The following CUL3 variants were observed in gnomAD, a reference collection of about 807,000 sequenced individuals.
CUL3 encodes the protein cullin 3, also known as cullin-3.
CUL3 carries 19 observed loss-of-function variants against 89.1 expected under a neutral mutation model. The observed-to-expected ratio is 0.21, with a 90% CI of 0.15 to 0.31. The LOEUF (loss-of-function observed/expected upper bound fraction) is 0.31. CUL3 is among the 10% of genes least tolerant of loss of function. CUL3 has a pLI of 1.00. For synonymous variants in CUL3, 351 were observed against 308.4 expected, an observed-to-expected ratio of 1.14 and a Z score of -1.45; for missense variants, 469 against 942.3, an observed-to-expected ratio of 0.50 and a Z score of 6.58.
chr2:224,504,813 A>C (rs1334048276), intron 8 of CUL3, among the ~76,000 whole-genome samples: 2 of 152,178 alleles, frequency 1.3e-5, no homozygotes, highest in Non-Finnish European at 2.9e-5. Flanking sequence ...TTCCAAAATG[A>C]AGTCAAAAGA....
At chr2:224,569,436 T>G (rs911799034) in intron 1 of CUL3, among the ~76,000 whole-genome samples, 5 of 152,154 alleles carry the variant, frequency 3.3e-5, no homozygotes, top group African/African-American at 9.7e-5. Context: ...TCTTAAATGT[T>G]TATAGTTTAG....
intron 1 of CUL3, among the ~76,000 whole-genome samples, chr2:224,576,844 T>TAG (rs1414770288): frequency 6.6e-6 from 1 of 152,052 alleles, no homozygotes; most frequent in Non-Finnish European, 1.5e-5. Flanking sequence ...GTTACACACT[T>TAG]ACTCTAAGGA....
At chr2:224,511,095 C>T (rs1692809532) in intron 6 of CUL3, among the ~76,000 whole-genome samples, 1 of 152,164 alleles carries the variant, frequency 6.6e-6, no homozygotes, top group South Asian at 2.1e-4. Context: ...AATACTATTA[C>T]ACCTTTTATC....
At chr2:224,517,004 G>C (rs929046441) in intron 3 of CUL3, among the ~76,000 whole-genome samples, 1 of 152,010 alleles carries the variant, frequency 6.6e-6, no homozygotes, top group Non-Finnish European at 1.5e-5. Context: ...ATAACTAATC[G>C]TGTTTTACTT....
chr2:224,480,492 T>A (rs568633274), intron 14 of CUL3, among the ~76,000 whole-genome samples: 9 of 152,320 alleles, frequency 5.9e-5, no homozygotes, highest in Non-Finnish European at 1.2e-4. Context: ...TATTTCTGTT[T>A]TGAACATACC....
At chr2:224,569,471 G>A (rs777926863) in intron 1 of CUL3, among the ~76,000 whole-genome samples, 3 of 152,086 alleles carry the variant, frequency 2.0e-5, no homozygotes, top group Non-Finnish European at 4.4e-5. Context: ...ACCAAGTCAA[G>A]AATTTAATTT....
At chr2:224,527,079 T>C (rs911755293) in intron 3 of CUL3, among the ~76,000 whole-genome samples, 4 of 152,118 alleles carry the variant, frequency 2.6e-5, no homozygotes, top group Non-Finnish European at 5.9e-5. Context: ...GTCATAGCTA[T>C]AAAAATTAGA....
At chr2:224,523,150 G>A (rs1006200928) in intron 3 of CUL3, among the ~76,000 whole-genome samples, 3 of 152,150 alleles carry the variant, frequency 2.0e-5, no homozygotes, top group Admixed American at 6.6e-5. Context: ...CAGTGGTTAA[G>A]AGCACTGATT....
At chr2:224,511,308 T>A (rs779091536) in intron 6 of CUL3, 46 bp downstream of exon 6, 17 of 1,347,570 alleles carry the variant, frequency 1.3e-5, no homozygotes, top group Non-Finnish European at 1.5e-5. Context: ...AAAATATCGA[T>A]AAGGCAGAGT....
intron 1 of CUL3, among the ~76,000 whole-genome samples, chr2:224,576,693 G>T (rs979630927): frequency 6.8e-6 from 1 of 147,456 alleles, no homozygotes; most frequent in East Asian, 2.1e-4. Context: ...AAAAAGGGGG[G>T]GGGGGGAGGA....
At chr2:224,551,239 T>A (rs945801647) in intron 2 of CUL3, among the ~76,000 whole-genome samples, 1 of 146,354 alleles carries the variant, frequency 6.8e-6, no homozygotes, top group South Asian at 2.2e-4. Flanking sequence ...GGAGTCTCAC[T>A]CTGTCGCCCA....
chr2:224,535,697 C>T, intron 2 of CUL3, 56 bp from the exon 3 acceptor site: 6 of 961,288 alleles, frequency 6.2e-6, no homozygotes, highest in South Asian at 4.0e-5. Context: ...CTCGTATATA[C>T]AGGCATGCAC....
At chr2:224,516,607 G>A (rs1464621159) in intron 3 of CUL3, among the ~76,000 whole-genome samples, 1 of 149,394 alleles carries the variant, frequency 6.7e-6, no homozygotes, top group Non-Finnish European at 1.5e-5. Flanking sequence ...GAGCCTCTGA[G>A]CCCAGCCTCC....
chr2:224,503,921 T>C (rs372100408), intron 8 of CUL3, 99 bp from the exon 9 acceptor site: 72 of 914,428 alleles, frequency 7.9e-5, no homozygotes, highest in South Asian at 8.8e-5. Flanking sequence ...TTTGAAAACA[T>C]AGATATCTGG....
At chr2:224,508,229 C>A (rs1234703886) in intron 6 of CUL3, among the ~76,000 whole-genome samples, 1 of 151,624 alleles carries the variant, frequency 6.6e-6, no homozygotes, top group Non-Finnish European at 1.5e-5. Context: ...TAAAATATTT[C>A]AAAGCAAGAT....
chr2:224,524,974 T>TG (rs966930761), intron 3 of CUL3, among the ~76,000 whole-genome samples: 2 of 140,914 alleles, frequency 1.4e-5, no homozygotes, highest in African/African-American at 5.4e-5. Flanking sequence ...AATAAGCTAA[T>TG]GGGGGTGGGG....
intron 11 of CUL3, among the ~76,000 whole-genome samples, chr2:224,498,964 C>A (rs910792088): frequency 7.2e-5 from 11 of 152,106 alleles, no homozygotes; most frequent in African/African-American, 2.7e-4. Context: ...ATGTTCGAGG[C>A]TTTTTAAGTT....
intron 1 of CUL3, among the ~76,000 whole-genome samples, chr2:224,568,729 A>G (rs1695107987): frequency 6.6e-6 from 1 of 152,302 alleles, no homozygotes; most frequent in South Asian, 2.1e-4. Flanking sequence ...TGGGAAAAAA[A>G]GGGTAGACGA....
intron 3 of CUL3, among the ~76,000 whole-genome samples, chr2:224,525,983 A>C (rs1693458206): frequency 6.6e-6 from 1 of 152,232 alleles, no homozygotes; most frequent in Admixed American, 6.5e-5. Flanking sequence ...AACTGCACAA[A>C]GTATGTGTTC....
Sources: allele counts gnomAD v4.1 joint callset (sites outside exome capture counted in the v4.1 genomes callset), GRCh38; gene constraint gnomAD v4.1.1; transcripts MANE v1.5; gene names NCBI Gene and HGNC (gene_info 2026-07-23, HGNC 2026-07-21).